The following TBC1D4 variants were observed in gnomAD, a reference collection of about 807,000 sequenced individuals.
TBC1D4 encodes TBC1 domain family member 4.
A neutral mutation model predicts 142.5 loss-of-function variants in TBC1D4; 121 were observed. That is an observed-to-expected ratio of 0.85 (90% CI 0.73 to 0.99). The LOEUF (loss-of-function observed/expected upper bound fraction) is 0.99. Among genes scored for constraint, TBC1D4 ranks in the 50% least tolerant of loss-of-function variants. TBC1D4 has a pLI of 0.00. For synonymous variants in TBC1D4, 630 were observed against 628.2 expected, an observed-to-expected ratio of 1.00 and a Z score of -0.04; for missense variants, 1,475 against 1,606.6, an observed-to-expected ratio of 0.92 and a Z score of 1.40.
At chr13:75,327,634 ATATT>A (rs1879375508) in intron 9 of TBC1D4, 114 bp downstream of exon 9, 1 of 968,510 alleles carries the variant, frequency 1.0e-6, no homozygotes, top group African/African-American at 1.7e-5. Flanking sequence ...AAAGTCTCAA[ATATT>A]TATTTTTTAA....
chr13:75,466,413 T>G (rs747012678), intron 1 of TBC1D4, among the ~76,000 whole-genome samples: 1 of 151,722 alleles, frequency 6.6e-6, no homozygotes, highest in African/African-American at 2.4e-5. Flanking sequence ...AAAATATACA[T>G]AAAACCCTAT....
chr13:75,465,394 A>G (rs992752320), intron 1 of TBC1D4, among the ~76,000 whole-genome samples: 1 of 152,222 alleles, frequency 6.6e-6, no homozygotes, highest in Non-Finnish European at 1.5e-5. Context: ...GGAATGGTTG[A>G]GGGAATGAGC....
At position 75,324,410 on chromosome 13, in the gene TBC1D4, A is replaced by C; in HGVS notation, c.2034-9T>G. ...GAACTGACGAAAGATTGCTGAGTACAGAAAATACAGCAAATATGTCTTAAT... is the reference window on the plus strand; with the variant it reads ...GAACTGACGAAAGATTGCTGAGTACCGAAAATACAGCAAATATGTCTTAAT... On this transcript the variant is annotated splice_polypyrimidine_tract_variant and intron_variant, in intron 10 of 20. Transcript: ENST00000377636. The C allele has an allele frequency of 6.2e-7, 1 of 1,613,794 alleles. No individual in the cohort carries two copies. Among genetic ancestry groups the C allele is most frequent in the Non-Finnish European group, 8.5e-7 (1 of 1,179,732 alleles).
At chr13:75,409,581 A>G (rs1164950655) in intron 1 of TBC1D4, among the ~76,000 whole-genome samples, 5 of 152,224 alleles carry the variant, frequency 3.3e-5, no homozygotes, top group Non-Finnish European at 7.3e-5. Flanking sequence ...AAGTTCTGCA[A>G]ATTAGTTTAG....
chr13:75,342,989 G>C (rs2138084691), intron 5 of TBC1D4, among the ~76,000 whole-genome samples: 1 of 152,068 alleles, frequency 6.6e-6, no homozygotes, highest in African/African-American at 2.4e-5. Context: ...TGTATTCTTT[G>C]TATTTATTTA....
chr13:75,481,900 C>G lies in TBC1D4; in HGVS notation c.-133G>C, dbSNP rs1888908454. The G allele has an allele frequency of 1.5e-6, 2 of 1,290,510 alleles. No homozygotes were observed. Among genetic ancestry groups the G allele is most frequent in the East Asian group, 6.0e-5 (2 of 33,540 alleles). 79.9% of individuals were successfully genotyped at this position (1,290,510 alleles called of 1,614,324 possible). A position where few individuals can be genotyped will look rare whatever the true frequency, so the allele number is the denominator to read the frequency against. ...CGCGCCTGCCTGGGAGCGGCGCGAC[C>G]CCGAACTCCGCGCTTCAGCAGCCCT... is the stretch of plus-strand genomic sequence containing the variant. On this transcript the variant is annotated 5_prime_UTR_variant, in exon 1 of 21. Transcript: ENST00000377636.
chr13:75,306,219 T>C, intron 15 of TBC1D4, 94 bp downstream of exon 15: 2 of 1,179,970 alleles, frequency 1.7e-6, no homozygotes, highest in Admixed American at 2.8e-5. Context: ...ACAAAATTAC[T>C]AAGCAAAATC....
At chr13:75,388,414 T>C (rs926649867) in intron 1 of TBC1D4, among the ~76,000 whole-genome samples, 1 of 152,198 alleles carries the variant, frequency 6.6e-6, no homozygotes, top group Non-Finnish European at 1.5e-5. Flanking sequence ...CATTTTCTCA[T>C]GTATTATATT....
intron 1 of TBC1D4, among the ~76,000 whole-genome samples, chr13:75,407,402 G>C (rs1885397994): frequency 6.6e-6 from 1 of 152,130 alleles, no homozygotes. Context: ...CTGAATTCTA[G>C]GAAGATGGCC....
At chr13:75,448,363 T>G (rs996006444) in intron 1 of TBC1D4, among the ~76,000 whole-genome samples, 1 of 151,526 alleles carries the variant, frequency 6.6e-6, no homozygotes, top group African/African-American at 2.4e-5. Context: ...AGGTCGGGAG[T>G]TCAACGCCAG....
intron 4 of TBC1D4, among the ~76,000 whole-genome samples, chr13:75,353,062 T>G (rs1490386174): frequency 6.6e-6 from 1 of 152,210 alleles, no homozygotes. Flanking sequence ...AGCATAGGCC[T>G]GTTCTTAAGA....
chr13:75,341,393 G>T, intron 6 of TBC1D4, 103 bp downstream of exon 6: 2 of 1,266,552 alleles, frequency 1.6e-6, no homozygotes, highest in Non-Finnish European at 2.3e-6. Context: ...TCTAGGTCAT[G>T]CATCTTTAGC....
intron 1 of TBC1D4, among the ~76,000 whole-genome samples, chr13:75,460,775 T>A (rs1812356132): frequency 6.6e-6 from 1 of 151,070 alleles, no homozygotes; most frequent in African/African-American, 2.4e-5. Context: ...AAAAAAAAAA[T>A]GGCCAGACAT....
At chr13:75,359,721 G>A (rs748638600) in intron 3 of TBC1D4, 48 bp downstream of exon 3, 2 of 1,432,772 alleles carry the variant, frequency 1.4e-6, no homozygotes, top group South Asian at 1.2e-5. Flanking sequence ...TGTTAATTCT[G>A]AAACAAGATT....
At chr13:75,313,441 T>C (rs1049212908) in intron 12 of TBC1D4, among the ~76,000 whole-genome samples, 1 of 152,210 alleles carries the variant, frequency 6.6e-6, no homozygotes, top group African/African-American at 2.4e-5. Context: ...CTTGGGATTA[T>C]TGGTAGGTGA....
intron 19 of TBC1D4, 52 bp downstream of exon 19, chr13:75,292,050 T>C: frequency 2.7e-6 from 4 of 1,455,652 alleles, no homozygotes; most frequent in Non-Finnish European, 3.8e-6. Flanking sequence ...GCATTTAATA[T>C]ATATTCAGTA....
chr13:75,446,348 T>C (rs1887285103), intron 1 of TBC1D4, among the ~76,000 whole-genome samples: 1 of 152,214 alleles, frequency 6.6e-6, no homozygotes, highest in South Asian at 2.1e-4. Context: ...TCCAGAACAC[T>C]TTCATCACTG....
At chr13:75,319,403 G>T (rs753463333) in intron 12 of TBC1D4, among the ~76,000 whole-genome samples, 68 of 152,146 alleles carry the variant, frequency 4.5e-4, no homozygotes, top group Non-Finnish European at 8.5e-4. Context: ...AGTGATTCTA[G>T]ATGTTCACCA....
In TBC1D4 at chr13:75,324,245, A is replaced by T. The variant is rs1325532958; in HGVS notation, c.2190T>A (p.Asn730Lys). Residue 730 changes from asparagine to lysine, a missense_variant, in exon 11 of 21, where the codon AAT (asparagine) becomes AAA (lysine). By Grantham distance (94) the Asn-to-Lys change is moderately conservative. Transcript: ENST00000377636. The part of the protein sequence containing the change: ...NSGRLSPQYE[N>K]EIRQDTASES... ...GAGGACACTGATCTCACCTGATTTC[A>T]TTTTCATACTGTGGGGACAGTCTAC... 1.2e-6 allele frequency: 2 copies of T among 1,613,836 alleles called. No individual in the cohort carries two copies. Among genetic ancestry groups the T allele is most frequent in the East Asian group, 4.5e-5 (2 of 44,866 alleles).
Sources: gnomAD v4.1 joint callset for allele counts (sites outside exome capture counted in the v4.1 genomes callset) on GRCh38, gnomAD v4.1.1 for gene constraint, MANE v1.5 for transcripts, NCBI Gene and HGNC (gene_info 2026-07-23, HGNC 2026-07-21) for gene names.